Variants in CEP112 observed in about 807,000 individuals in gnomAD.
CEP112 encodes the protein centrosomal protein 112.
CEP112 carries 127 observed loss-of-function variants against 153.0 expected under a neutral mutation model. The ratio of observed to expected loss-of-function variants is 0.83; its 90% CI spans 0.72 to 0.96. The LOEUF is 0.96. Among genes scored for constraint, CEP112 ranks in the 40% least tolerant of loss-of-function variants. CEP112 has a pLI of 0.00. For synonymous variants in CEP112, 358 were observed against 374.4 expected, an observed-to-expected ratio of 0.96 and a Z score of 0.51; for missense variants, 1,089 against 1,101.2, an observed-to-expected ratio of 0.99 and a Z score of 0.16.
chr17:66,034,445 TA>T (rs1264498236), intron 12 of CEP112, among the ~76,000 whole-genome samples: 1 of 152,136 alleles, frequency 6.6e-6, no homozygotes, highest in Non-Finnish European at 1.5e-5. Flanking sequence ...GTGAACATCA[TA>T]AAATTTTAGA....
At chr17:66,121,929 C>T (rs1339812331) in intron 6 of CEP112, among the ~76,000 whole-genome samples, 1 of 151,948 alleles carries the variant, frequency 6.6e-6, no homozygotes, top group Non-Finnish European at 1.5e-5. Context: ...GAGTCTCGCT[C>T]TGTCGCCCAG....
At chr17:66,014,860 C>G (rs1373087) in intron 16 of CEP112, among the ~76,000 whole-genome samples, 62,480 of 152,038 alleles carry the variant, frequency 0.41, 14,312 homozygotes, top group East Asian at 0.87. Flanking sequence ...CAATGTCCTA[C>G]CCCCTTGGTG....
intron 21 of CEP112, among the ~76,000 whole-genome samples, chr17:65,828,560 C>T (rs1001597911): frequency 1.3e-5 from 2 of 152,302 alleles, no homozygotes; most frequent in South Asian, 4.1e-4. Flanking sequence ...CATCCTAATA[C>T]ATCTGGATTC....
At chr17:66,070,689 A>G (rs2067279830) in intron 8 of CEP112, among the ~76,000 whole-genome samples, 1 of 152,182 alleles carries the variant, frequency 6.6e-6, no homozygotes, top group Admixed American at 6.5e-5. Context: ...GTATCCTAGA[A>G]TTAAAAGAGC....
At chr17:66,044,190 T>C (rs995371) in intron 12 of CEP112, among the ~76,000 whole-genome samples, 62,420 of 151,764 alleles carry the variant, frequency 0.41, 14,309 homozygotes, top group East Asian at 0.87. Flanking sequence ...AATTAAAAAT[T>C]CCATTGTGAA....
intron 24 of CEP112, among the ~76,000 whole-genome samples, chr17:65,641,658 A>C (rs1598165108): frequency 6.6e-6 from 1 of 152,036 alleles, no homozygotes. Context: ...AGGTGGGAGG[A>C]TCCTTTGAGC....
intron 21 of CEP112, among the ~76,000 whole-genome samples, chr17:65,809,185 C>A (rs1437969089): frequency 6.6e-6 from 1 of 152,002 alleles, no homozygotes; most frequent in African/African-American, 2.4e-5. Flanking sequence ...ACTTCAAAGG[C>A]CTTAGGTAGG....
chr17:66,029,702 C>CTAAATAAA (rs144628903), intron 13 of CEP112, among the ~76,000 whole-genome samples, 167 bp downstream of exon 13: 24 of 70,338 alleles, frequency 3.4e-4, no homozygotes, highest in African/African-American at 8.2e-4. Context: ...GACCCTGTCT[C>CTAAATAAA]TAAATAAACA....
At position 65,658,741 on chromosome 17, in the gene CEP112, C is replaced by G. The variant is rs113604092; in HGVS notation, c.2698-17676G>C. On this transcript the variant is annotated intron_variant, in intron 24 of 26. Transcript: ENST00000535342. ...GGGGAAAGGGGAGAACAGGAATGTCCCAGGAGCCAAGGCTCATCTATAAGG... is the reference window on the plus strand; with the variant it reads ...GGGGAAAGGGGAGAACAGGAATGTCGCAGGAGCCAAGGCTCATCTATAAGG... 1.2e-4 allele frequency among the ~76,000 whole-genome samples: 18 copies of G among 151,948 alleles called. 2 individuals carry two copies. The highest frequency in any genetic ancestry group is 4.3e-4 in the African/African-American group (18 of 41,438).
chr17:66,010,972 C>A (rs966526087), intron 16 of CEP112, among the ~76,000 whole-genome samples: 2 of 152,018 alleles, frequency 1.3e-5, no homozygotes, highest in African/African-American at 4.8e-5. Context: ...GCTAACCTCA[C>A]AGGATGAGTT....
At chr17:66,028,214 T>C in intron 15 of CEP112, 99 bp downstream of exon 15, 1 of 697,436 alleles carries the variant, frequency 1.4e-6, no homozygotes, top group South Asian at 2.0e-5. Flanking sequence ...ATGACCTGCA[T>C]TTCTGAGTTT....
Position 65,961,532 on chromosome 17 carries a change from G to A in CEP112, c.1803C>T (p.Ala601=), listed in dbSNP as rs756887370. Residue 601 remains alanine, a synonymous_variant, in exon 18 of 27, where the codon GCC becomes GCT. Transcript: ENST00000535342. ...CCTGCCGCTTAAACTCTTCCAGAGCGGCATCTGCCTGCTGGGCCTGCAACC... is the reference window on the plus strand; with the variant it reads ...CCTGCCGCTTAAACTCTTCCAGAGCAGCATCTGCCTGCTGGGCCTGCAACC... ...VQRLQAQQAD[A]ALEEFKRQVE... is the part of the protein sequence containing the mutation. 1.4e-5 allele frequency: 23 copies of A among 1,613,420 alleles called. No homozygotes were observed. Among genetic ancestry groups the A allele is most frequent in the South Asian group, 5.5e-5 (5 of 91,022 alleles).
At chr17:65,890,046 TTAAA>T (rs2059409976) in intron 20 of CEP112, among the ~76,000 whole-genome samples, 1 of 152,222 alleles carries the variant, frequency 6.6e-6, no homozygotes, top group Non-Finnish European at 1.5e-5. Flanking sequence ...TATTAATATG[TTAAA>T]TACATTATAC....
chr17:66,131,537 CA>C (rs902831467), intron 5 of CEP112, among the ~76,000 whole-genome samples: 4 of 151,702 alleles, frequency 2.6e-5, no homozygotes, highest in African/African-American at 7.3e-5. Context: ...GTCAGGAGAT[CA>C]AGACCATCCT....
intron 19 of CEP112, among the ~76,000 whole-genome samples, chr17:65,917,065 T>A (rs1410108908): frequency 6.6e-6 from 1 of 152,194 alleles, no homozygotes; most frequent in Non-Finnish European, 1.5e-5. Flanking sequence ...GCTCTGAGTC[T>A]GGCAGCCTAA....
intron 21 of CEP112, among the ~76,000 whole-genome samples, chr17:65,773,053 C>T (rs749096464): frequency 2.0e-5 from 3 of 152,232 alleles, no homozygotes; most frequent in Non-Finnish European, 2.9e-5. Flanking sequence ...ATTATCCTCA[C>T]TGAAACCGAG....
intron 6 of CEP112, among the ~76,000 whole-genome samples, chr17:66,106,756 A>G (rs2068800968): frequency 6.6e-6 from 1 of 152,128 alleles, no homozygotes; most frequent in Non-Finnish European, 1.5e-5. Context: ...ACTATTCCAA[A>G]AAACAGAGGA....
chr17:66,153,691 G>C (rs1420115079), intron 4 of CEP112, among the ~76,000 whole-genome samples: 2 of 152,054 alleles, frequency 1.3e-5, no homozygotes, highest in Non-Finnish European at 2.9e-5. Context: ...GAATAGCCAA[G>C]GCAATCTTGA....
In CEP112 at chr17:66,066,574, CACACAG is replaced by C. The variant is rs957903470; in HGVS notation, c.955+198_955+203del. On this transcript the variant is annotated intron_variant, in intron 10 of 26. Transcript: ENST00000535342. ...CCATCACTGTCACTACACAAACACA[CACACAG>C]ACACACACACACACACACAAATAAA... Among the ~76,000 whole-genome samples the C allele has an allele frequency of 7.7e-4, 4 of 5,172 alleles. No individual in the cohort carries two copies. In the East Asian group the frequency reaches 0.023, roughly 29 times the overall value. 3.4% of individuals were successfully genotyped at this position (5,172 alleles called of 152,430 possible). A position where few individuals can be genotyped will look rare whatever the true frequency, so the allele number is the denominator to read the frequency against.
Sources: gnomAD v4.1 joint callset for allele counts (sites outside exome capture counted in the v4.1 genomes callset) on GRCh38, gnomAD v4.1.1 for gene constraint, MANE v1.5 for transcripts, NCBI Gene and HGNC (gene_info 2026-07-23, HGNC 2026-07-21) for gene names.